FARSA: variants seen among roughly 807,000 people sequenced by gnomAD.
The protein encoded by FARSA is phenylalanyl-tRNA synthetase subunit alpha, also known as phenylalanine--tRNA ligase alpha subunit.
In FARSA, 37 loss-of-function variants were observed where a neutral mutation model predicts 63.2. The ratio of observed to expected loss-of-function variants is 0.59; its 90% CI spans 0.45 to 0.77. FARSA has a LOEUF of 0.77. FARSA is among the 30% of genes least tolerant of loss of function. The probability of loss-of-function intolerance (pLI) is 0.00; values close to 1 mark genes in which losing one functional copy is unlikely to be tolerated. For missense variants in FARSA, 618 were observed against 696.6 expected (o/e 0.89, Z 1.27); for synonymous variants, 312 against 285.1 (o/e 1.09, Z -0.95).
chr19:12,928,602 C>T lies in FARSA; in HGVS notation c.658G>A (p.Asp220Asn), dbSNP rs755374859. Residue 220 changes from aspartate to asparagine, a missense_variant, in exon 6 of 13, where the codon GAC becomes AAC. Asp to Asn is a conservative substitution (Grantham distance 23, BLOSUM62 1). Transcript: ENST00000314606. Reference protein sequence around the residue: ...YNFLAHGVLPDSGHLHPLLKV... With the variant: ...YNFLAHGVLPNSGHLHPLLKV... ...AGCAGCGGGTGAAGGTGGCCGCTGT[C>T]GGGGAGGACACCGTGGGCCAAGAAG... is the stretch of plus-strand genomic sequence containing the variant. 14 of 1,612,466 alleles carry T rather than the reference C, an allele frequency of 8.7e-6. No individual in the cohort carries two copies. In the African/African-American group the frequency reaches 9.3e-5, roughly 11 times the overall value.
Position 12,924,659 on chromosome 19 carries a change from C to T in FARSA, c.1175G>A (p.Arg392Gln), listed in dbSNP as rs778006163. 11 of 1,598,076 alleles carry T rather than the reference C, an allele frequency of 6.9e-6. No homozygotes were observed. Among genetic ancestry groups the T allele is most frequent in the South Asian group, 2.3e-5 (2 of 88,116 alleles). The change falls in exon 10 of 13, where the codon CGG (arginine) becomes CAG (glutamine). Residue 392 changes from arginine to glutamine, a missense_variant. By Grantham distance (43) the Arg-to-Gln change is conservative. Coordinates refer to ENST00000314606, the MANE Select transcript of FARSA (RefSeq NM_004461.3). This position sits in a 1 kb window ranked among gnomAD's most constrained non-coding sequence, Gnocchi z 6.4. ...LTLGHLMGVL[R>Q]EFFTKLGITQ... Reference sequence around the variant, plus strand: ...CTCACCCAGCTTGGTGAAGAACTCCCGCAGAACGCCCATGAGGTGGCCCAA... The same window carrying T: ...CTCACCCAGCTTGGTGAAGAACTCCTGCAGAACGCCCATGAGGTGGCCCAA...
At chr19:12,929,879 A>G (rs1971370737) in intron 4 of FARSA, among the ~76,000 whole-genome samples, 3 of 152,166 alleles carry the variant, frequency 2.0e-5, no homozygotes, top group African/African-American at 7.2e-5. Context: ...CACTAAGGAC[A>G]GTGAAAGAAA....
rs1971303967 is a variant in FARSA at position 12,924,608 on chromosome 19, C to T, written c.1195+31G>A. The stretch of plus-strand genomic sequence containing the variant: ...TCAACACACCTGCCCGCTGCCTCAC[C>T]ACCATGGCCCACCCCTGCCCCCCTG... On this transcript the variant is annotated intron_variant, in intron 10 of 12. Transcript: ENST00000314606. The surrounding 1 kb of genome is among the most constrained non-coding windows in gnomAD (Gnocchi z 6.4). The T allele has an allele frequency of 6.2e-7, 1 of 1,611,524 alleles. No individual in the cohort carries two copies. The highest frequency in any genetic ancestry group is 8.5e-7 in the Non-Finnish European group (1 of 1,178,822).
chr19:12,926,104 G>A (rs1188724857), intron 7 of FARSA, among the ~76,000 whole-genome samples: 1 of 151,562 alleles, frequency 6.6e-6, no homozygotes, highest in Non-Finnish European at 1.5e-5. Flanking sequence ...GAATAGATGG[G>A]ACTACAGGCA....
intron 7 of FARSA, 35 bp downstream of exon 7, chr19:12,928,307 C>G (rs772287724): frequency 1.7e-5 from 26 of 1,571,214 alleles, no homozygotes; most frequent in African/African-American, 6.8e-5. Flanking sequence ...CCTGGTGTCT[C>G]TCATGTCTCA....
At position 12,933,649 on chromosome 19, in the gene FARSA, C is replaced by A; in HGVS notation, c.48G>T (p.Ala16=). The change falls in exon 1 of 13, where the codon GCG becomes GCT. Residue 16 remains alanine (A), a synonymous_variant. Coordinates refer to ENST00000314606, the MANE Select transcript of FARSA (RefSeq NM_004461.3). ...VAELLLRRLE[A]SDGGLDSAEL... ...CGGCGCTGTCCAGGCCGCCATCAGA[C>A]GCCTCCAGCCGCCGGAGCAGCAGTT... is the stretch of plus-strand genomic sequence containing the variant. The A allele has an allele frequency of 6.4e-7, 1 of 1,565,406 alleles. No individual in the cohort carries two copies. Among genetic ancestry groups the A allele is most frequent in the Non-Finnish European group, 8.6e-7 (1 of 1,159,352 alleles).
chr19:12,924,082 C>A lies in FARSA; in HGVS notation c.1388+69G>T. On this transcript the variant is annotated intron_variant, in intron 12 of 12. Transcript: ENST00000314606. This position sits in a 1 kb window ranked among gnomAD's most constrained non-coding sequence, Gnocchi z 6.4. ...GAATGAATGGGTGGTGCTGAAACCA[C>A]GCAGGCCCCTATACCTGGAGAGTTA... The A allele has an allele frequency of 8.1e-7, 1 of 1,239,376 alleles. No homozygotes were observed. 76.8% of individuals were successfully genotyped at this position (1,239,376 alleles called of 1,614,324 possible).
intron 4 of FARSA, 76 bp downstream of exon 4, chr19:12,930,147 A>C (rs1375689617): frequency 8.6e-7 from 1 of 1,164,078 alleles, no homozygotes; most frequent in Non-Finnish European, 1.3e-6. Flanking sequence ...TGTGGGCAAG[A>C]TGTCTCCCTC....
At chr19:12,925,678 T>C (rs1971318387) in intron 7 of FARSA, among the ~76,000 whole-genome samples, 1 of 151,678 alleles carries the variant, frequency 6.6e-6, no homozygotes, top group Admixed American at 6.6e-5. Context: ...TGTACGTATG[T>C]ATGTATGTAT....
intron 1 of FARSA, among the ~76,000 whole-genome samples, chr19:12,932,225 G>A (rs1295514645): frequency 3.3e-5 from 5 of 151,858 alleles, no homozygotes; most frequent in African/African-American, 1.2e-4. Context: ...TAGAGACAGG[G>A]TTTCATCATC....
chr19:12,925,717 A>T (rs1477267437), intron 7 of FARSA, among the ~76,000 whole-genome samples: 1 of 148,232 alleles, frequency 6.7e-6, no homozygotes, highest in Non-Finnish European at 1.5e-5. Context: ...TCTGTTGCCC[A>T]GGCTGGAGTG....
At chr19:12,927,607 C>T (rs1971341022) in intron 7 of FARSA, among the ~76,000 whole-genome samples, 1 of 151,504 alleles carries the variant, frequency 6.6e-6, no homozygotes, top group African/African-American at 2.4e-5. Flanking sequence ...TGGCGGGTGC[C>T]TGTAATCCCA....
rs1971380547 is a variant in FARSA, at chr19:12,930,510, T to C, written c.303A>G (p.Lys101=). 1 of 1,614,072 alleles carries C rather than the reference T, an allele frequency of 6.2e-7. No individual in the cohort carries two copies. The highest frequency in any genetic ancestry group is 8.5e-7 in the Non-Finnish European group (1 of 1,179,958). Residue 101 remains lysine, a synonymous_variant, in exon 3 of 13, where the codon AAA becomes AAG. Coordinates refer to ENST00000314606, the MANE Select transcript of FARSA (RefSeq NM_004461.3). The stretch of plus-strand genomic sequence containing the variant: ...TGGACATGGCCTTGCTGAAGCCCAC[T>C]TTGCCACTGGGCAGTCGCTGGAAAA... The part of the protein sequence containing the change: ...QSELMRLPSG[K]VGFSKAMSNK...
At position 12,928,653 on chromosome 19, in the gene FARSA, G is replaced by A. The variant is rs376853642; in HGVS notation, c.607C>T (p.Arg203Trp). The A allele has an allele frequency of 5.3e-5, 85 of 1,611,472 alleles. No individual in the cohort carries two copies. The highest frequency in any genetic ancestry group is 2.7e-4 in the Admixed American group (16 of 59,402). Residue 203 changes from arginine (R) to tryptophan (W), a missense_variant, in exon 6 of 13, where the codon CGG becomes TGG. Coordinates refer to ENST00000314606, the MANE Select transcript of FARSA (RefSeq NM_004461.3). ...SPEMISSGSW[R>W]DRPFKPYNFL... is the part of the protein sequence containing the mutation. ...TTGTAGGGCTTGAAGGGCCGGTCCC[G>A]CCAAGAGCCACTGGGGGAGGATGCA...
At chr19:12,932,036 ATTT>A (rs35705523) in intron 1 of FARSA, among the ~76,000 whole-genome samples, 4 of 132,458 alleles carry the variant, frequency 3.0e-5, no homozygotes, top group African/African-American at 5.5e-5. Flanking sequence ...CACTGCATAA[ATTT>A]TTTTTTTTTT....
chr19:12,928,601 TCG>T lies in FARSA; in HGVS notation c.657_658del (p.Asp220GlnfsTer29), dbSNP rs757488579. The stretch of plus-strand genomic sequence containing the variant: ...GAGCAGCGGGTGAAGGTGGCCGCTG[TCG>T]GGGAGGACACCGTGGGCCAAGAAGT... On this transcript the variant is annotated frameshift_variant, in exon 6 of 13. Transcript: ENST00000314606. LOFTEE classifies it high-confidence loss of function. The T allele has an allele frequency of 1.2e-6, 2 of 1,612,744 alleles. No homozygotes were observed. The highest frequency in any genetic ancestry group is 3.3e-5 in the Admixed American group (2 of 59,784).
rs756206396 is a variant in FARSA, at chr19:12,933,523, C to A, written c.147+27G>T. 7.8e-6 allele frequency: 12 copies of A among 1,536,630 alleles called. No individual in the cohort carries two copies. The South Asian group carries it at 9.5e-5, about 12-fold the overall frequency. ...GGGGACTGTAGGTGCAAGGGCAAGGCGGTCCGGCATCACGGGCCCGGCTCA... is the reference window on the plus strand; with the variant it reads ...GGGGACTGTAGGTGCAAGGGCAAGGAGGTCCGGCATCACGGGCCCGGCTCA... On this transcript the variant is annotated intron_variant, in intron 1 of 12. Transcript: ENST00000314606.
intron 1 of FARSA, among the ~76,000 whole-genome samples, chr19:12,932,443 C>T (rs943949192): frequency 8.5e-5 from 13 of 152,108 alleles, no homozygotes; most frequent in African/African-American, 3.1e-4. Context: ...TCATATTGGT[C>T]AAGGCACTGT....
intron 1 of FARSA, chr19:12,932,904 G>C (rs994394246): frequency 1.3e-5 from 2 of 152,416 alleles, no homozygotes; most frequent in African/African-American, 4.8e-5. Flanking sequence ...CTCCAGCTTG[G>C]GGAAGTGCCA....
Sources: allele counts gnomAD v4.1 joint callset (sites outside exome capture counted in the v4.1 genomes callset), GRCh38; gene constraint gnomAD v4.1.1; non-coding constraint Gnocchi (gnomAD v3.1); transcripts MANE v1.5; gene names NCBI Gene and HGNC (gene_info 2026-07-23, HGNC 2026-07-21).